Variants in AGBL4 observed in about 807,000 individuals in gnomAD.
AGBL4 encodes cytosolic carboxypeptidase 6.
In AGBL4, 58 loss-of-function variants were observed where a neutral mutation model predicts 66.4. The observed-to-expected ratio is 0.87, with a 90% CI of 0.71 to 1.09. The LOEUF is 1.09. AGBL4 is among the 50% of genes least tolerant of loss of function. AGBL4 has a pLI of 0.00. For missense variants in AGBL4, 579 were observed against 631.0 expected (o/e 0.92, Z 0.88); for synonymous variants, 234 against 222.9 (o/e 1.05, Z -0.44).
intron 3 of AGBL4, among the ~76,000 whole-genome samples, chr1:49,483,288 G>A (rs1480935739): frequency 6.6e-6 from 1 of 151,774 alleles, no homozygotes; most frequent in East Asian, 1.9e-4. Context: ...AATAATCTTG[G>A]CAATAAAAAC....
chr1:49,799,126 C>T (rs1416160710), intron 2 of AGBL4, among the ~76,000 whole-genome samples: 1 of 152,102 alleles, frequency 6.6e-6, no homozygotes, highest in Non-Finnish European at 1.5e-5. Context: ...GCACCATGTG[C>T]ATTGCAAACG....
At chr1:49,598,899 A>G (rs973491642) in intron 3 of AGBL4, among the ~76,000 whole-genome samples, 1 of 152,204 alleles carries the variant, frequency 6.6e-6, no homozygotes, top group Non-Finnish European at 1.5e-5. Flanking sequence ...GTGATGGATT[A>G]CATTTATTGA....
intron 1 of AGBL4, among the ~76,000 whole-genome samples, chr1:49,950,655 GA>G (rs1656076838): frequency 1.3e-5 from 2 of 151,444 alleles, no homozygotes. Flanking sequence ...GTTCAACGAA[GA>G]AAAAAATAAC....
intron 3 of AGBL4, among the ~76,000 whole-genome samples, chr1:49,680,297 C>T (rs1396054885): frequency 6.6e-6 from 1 of 151,964 alleles, no homozygotes; most frequent in Admixed American, 6.6e-5. Flanking sequence ...GATCCGCCTA[C>T]CTCTGCCTCC....
At chr1:49,608,328 T>G (rs766304281) in intron 3 of AGBL4, among the ~76,000 whole-genome samples, 18 of 152,176 alleles carry the variant, frequency 1.2e-4, no homozygotes, top group Non-Finnish European at 2.1e-4. Context: ...TTGTTTTACT[T>G]CTATAAGAGA....
intron 11 of AGBL4, among the ~76,000 whole-genome samples, chr1:48,541,151 A>G (rs1057213226): frequency 1.3e-5 from 2 of 152,180 alleles, no homozygotes; most frequent in African/African-American, 4.8e-5. Context: ...CCATCTTTCT[A>G]GATCACTCTT....
At chr1:49,729,698 T>G (rs769335122) in intron 2 of AGBL4, among the ~76,000 whole-genome samples, 1 of 152,136 alleles carries the variant, frequency 6.6e-6, no homozygotes, top group Non-Finnish European at 1.5e-5. Flanking sequence ...AATATATATT[T>G]GAGGGAAGTC....
At chr1:49,300,770 GA>G (rs1292189348) in intron 3 of AGBL4, among the ~76,000 whole-genome samples, 1 of 152,076 alleles carries the variant, frequency 6.6e-6, no homozygotes, top group Non-Finnish European at 1.5e-5. Flanking sequence ...TTTGGCCATG[GA>G]AAAAATAGCT....
chr1:48,734,322 T>C (rs979151467), intron 6 of AGBL4, among the ~76,000 whole-genome samples: 16 of 152,178 alleles, frequency 1.1e-4, no homozygotes, highest in Admixed American at 2.6e-4. Context: ...GCTTACCCTA[T>C]GTCCTGCCAC....
chr1:49,032,148 G>A (rs895291564), intron 5 of AGBL4, among the ~76,000 whole-genome samples: 1 of 152,192 alleles, frequency 6.6e-6, no homozygotes, highest in African/African-American at 2.4e-5. Flanking sequence ...TAGACCATAG[G>A]CAGCAAGGGA....
intron 5 of AGBL4, among the ~76,000 whole-genome samples, chr1:48,959,505 T>C (rs1448121617): frequency 6.6e-6 from 1 of 151,992 alleles, no homozygotes; most frequent in Non-Finnish European, 1.5e-5. Flanking sequence ...AATTAAAAAA[T>C]TGACACAAAG....
At chr1:49,693,325 A>C (rs2124602128) in intron 3 of AGBL4, among the ~76,000 whole-genome samples, 1 of 152,270 alleles carries the variant, frequency 6.6e-6, no homozygotes, top group East Asian at 1.9e-4. Context: ...TCCTGCATCA[A>C]GATGTTCACT....
intron 3 of AGBL4, among the ~76,000 whole-genome samples, chr1:49,249,758 G>T (rs562667774): frequency 6.6e-6 from 1 of 152,226 alleles, no homozygotes; most frequent in Non-Finnish European, 1.5e-5. Flanking sequence ...CATCAAAGAG[G>T]TATCTGCACT....
At chr1:49,881,172 C>A (rs946134162) in intron 1 of AGBL4, among the ~76,000 whole-genome samples, 1 of 152,094 alleles carries the variant, frequency 6.6e-6, no homozygotes, top group African/African-American at 2.4e-5. Context: ...ATTTGGCCAT[C>A]TTGATGATTT....
At chr1:49,826,021 T>A (rs1645501035) in intron 2 of AGBL4, among the ~76,000 whole-genome samples, 1 of 152,126 alleles carries the variant, frequency 6.6e-6, no homozygotes, top group South Asian at 2.1e-4. Context: ...GCTACACGAT[T>A]TTCCATATAA....
chr1:48,550,211 T>A (rs1644228695), intron 11 of AGBL4, among the ~76,000 whole-genome samples: 2 of 152,184 alleles, frequency 1.3e-5, no homozygotes, highest in Non-Finnish European at 2.9e-5. Context: ...ACACACTTAG[T>A]GGCTTAAAAC....
intron 2 of AGBL4, among the ~76,000 whole-genome samples, chr1:49,816,936 C>A (rs1386561481): frequency 6.6e-6 from 1 of 152,132 alleles, no homozygotes; most frequent in Non-Finnish European, 1.5e-5. Flanking sequence ...CTCACAAAAT[C>A]AGATTGGTCA....
At chr1:49,986,226 A>G (rs1368731511) in intron 1 of AGBL4, among the ~76,000 whole-genome samples, 1 of 152,054 alleles carries the variant, frequency 6.6e-6, no homozygotes, top group African/African-American at 2.4e-5. Context: ...TTCCCAATCA[A>G]TAGATCTTAT....
At chr1:49,822,513 G>A (rs1206355689) in intron 2 of AGBL4, among the ~76,000 whole-genome samples, 2 of 152,148 alleles carry the variant, frequency 1.3e-5, no homozygotes, top group East Asian at 3.9e-4. Flanking sequence ...TAGTAGAGAT[G>A]GGGTTTTGCT....
Sources: allele counts gnomAD v4.1 joint callset (sites outside exome capture counted in the v4.1 genomes callset), GRCh38; gene constraint gnomAD v4.1.1; transcripts MANE v1.5; gene names NCBI Gene and HGNC (gene_info 2026-07-23, HGNC 2026-07-21).